GLIPR1L1: variants seen among roughly 807,000 people sequenced by gnomAD.
GLIPR1L1 encodes GLIPR1 like 1.
Under a neutral mutation model 29.9 loss-of-function variants are expected in GLIPR1L1, and 26 were observed. The ratio of observed to expected loss-of-function variants is 0.87; its 90% CI spans 0.64 to 1.21. The LOEUF (loss-of-function observed/expected upper bound fraction) is 1.21. Among genes scored for constraint, GLIPR1L1 ranks in the 50% most tolerant of loss-of-function variants. GLIPR1L1 has a pLI of 0.00. For missense variants in GLIPR1L1, 305 were observed against 290.3 expected (o/e 1.05, Z -0.37); for synonymous variants, 77 against 97.5 (o/e 0.79, Z 1.24).
intron 3 of GLIPR1L1, among the ~76,000 whole-genome samples, chr12:75,351,550 G>GT (rs1175807861): frequency 0.015 from 1,982 of 131,014 alleles, 32 homozygotes; most frequent in African/African-American, 0.041. Flanking sequence ...GTTTTGTTTT[G>GT]TTTTTTTTTT....
intron 1 of GLIPR1L1, among the ~76,000 whole-genome samples, chr12:75,338,384 G>T (rs1292674758): frequency 6.6e-6 from 1 of 152,082 alleles, no homozygotes; most frequent in Non-Finnish European, 1.5e-5. Flanking sequence ...GACTTGGATT[G>T]GGGGAATTTA....
intron 3 of GLIPR1L1, among the ~76,000 whole-genome samples, chr12:75,348,721 C>T (rs919722109): frequency 1.3e-5 from 2 of 152,012 alleles, no homozygotes; most frequent in African/African-American, 2.4e-5. Flanking sequence ...TGAAAGCATA[C>T]GAGAATAGTG....
chr12:75,362,777 CTTAT>C (rs2043692265), intron 3 of GLIPR1L1, among the ~76,000 whole-genome samples: 1 of 152,082 alleles, frequency 6.6e-6, no homozygotes, highest in African/African-American at 2.4e-5. Context: ...TTAAATATTA[CTTAT>C]TTCATGTACA....
intron 3 of GLIPR1L1, among the ~76,000 whole-genome samples, chr12:75,355,925 C>A (rs1306529177): frequency 6.6e-6 from 1 of 152,050 alleles, no homozygotes; most frequent in Non-Finnish European, 1.5e-5. Context: ...GGGAGCTGAA[C>A]AATGGGAACG....
rs769551444 is a variant in GLIPR1L1 at position 75,343,725 on chromosome 12, A to G, written c.207A>G (p.Lys69=). Residue 69 remains lysine (K), a synonymous_variant, in exon 2 of 6, where the codon AAA becomes AAG. Transcript: ENST00000378695. ...ATAAAGGTTTAGCAAAGATGGCTAA[A>G]GCATGGGCAAACCAGTGCAAATTTG... ...IWDKGLAKMA[K]AWANQCKFEH... 43 of 1,612,026 alleles carry G rather than the reference A, an allele frequency of 2.7e-5. No homozygotes were observed. The Admixed American group carries it at 5.3e-4, about 20-fold the overall frequency.
intron 3 of GLIPR1L1, among the ~76,000 whole-genome samples, chr12:75,354,790 CA>C (rs568865773): frequency 1.5e-3 from 223 of 152,198 alleles, no homozygotes; most frequent in African/African-American, 5.0e-3. Flanking sequence ...ACACACAGAC[CA>C]ATGGAACAGA....
chr12:75,337,693 T>A (rs189559043), intron 1 of GLIPR1L1, among the ~76,000 whole-genome samples: 179 of 152,176 alleles, frequency 1.2e-3, no homozygotes, highest in Non-Finnish European at 2.2e-3. Context: ...ATGCGTGCCA[T>A]GTTATTTATC....
Position 75,366,644 on chromosome 12 carries a change from CT to C in GLIPR1L1, c.611-3304del, listed in dbSNP as rs35880250. Among the ~76,000 whole-genome samples the C allele has an allele frequency of 2.7e-3, 396 of 147,462 alleles. 2 individuals are homozygous for C. The highest frequency in any genetic ancestry group is 0.017 in the South Asian group (80 of 4,638). On this transcript the variant is annotated intron_variant, in intron 4 of 5. Transcript: ENST00000378695. ...TTCCTCTTCTTCAGATTGTTGCCTA[CT>C]TTTTTTTTTTTCTTAAAAGGAGGAA... is the stretch of plus-strand genomic sequence containing the variant.
intron 1 of GLIPR1L1, among the ~76,000 whole-genome samples, chr12:75,341,324 G>T (rs2042089070): frequency 6.6e-6 from 1 of 152,166 alleles, no homozygotes; most frequent in Non-Finnish European, 1.5e-5. Context: ...GTCACTAAAT[G>T]GAACAAACTA....
intron 2 of GLIPR1L1, 121 bp from the exon 3 acceptor site, chr12:75,347,497 GTAAC>G (rs2042531187): frequency 4.5e-6 from 2 of 440,468 alleles, no homozygotes; most frequent in African/African-American, 4.2e-5. Flanking sequence ...GAAAAAATAT[GTAAC>G]TAATAAATAT....
At chr12:75,358,458 A>G (rs76050931) in intron 3 of GLIPR1L1, among the ~76,000 whole-genome samples, 5,712 of 151,478 alleles carry the variant, frequency 0.038, 126 homozygotes, top group East Asian at 0.052. Flanking sequence ...TGAAAATAAG[A>G]ATTATATGAT....
intron 2 of GLIPR1L1, 44 bp from the exon 3 acceptor site, chr12:75,347,578 G>T: frequency 8.0e-7 from 1 of 1,248,718 alleles, no homozygotes; most frequent in South Asian, 1.2e-5. Flanking sequence ...TGTTTGCATA[G>T]AATTGTTTTC....
intron 3 of GLIPR1L1, among the ~76,000 whole-genome samples, chr12:75,349,436 A>G (rs1339616728): frequency 1.3e-5 from 2 of 152,224 alleles, no homozygotes; most frequent in African/African-American, 4.8e-5. Context: ...TAACACTTAC[A>G]ATGTCTGGCA....
intron 3 of GLIPR1L1, chr12:75,360,886 TGGA>T (rs1245103411): frequency 6.6e-6 from 1 of 152,146 alleles, no homozygotes; most frequent in Non-Finnish European, 1.5e-5. Context: ...GAAATCTAGG[TGGA>T]GGTTTCCAAT....
chr12:75,337,327 T>A (rs1259406581), intron 1 of GLIPR1L1, among the ~76,000 whole-genome samples: 1 of 151,540 alleles, frequency 6.6e-6, no homozygotes, highest in East Asian at 1.9e-4. Flanking sequence ...AAACTATATA[T>A]TAATAAAATT....
intron 2 of GLIPR1L1, among the ~76,000 whole-genome samples, chr12:75,345,264 T>C (rs542128452): frequency 6.6e-6 from 1 of 152,210 alleles, no homozygotes; most frequent in African/African-American, 2.4e-5. Flanking sequence ...ACAGTTTCTA[T>C]CTTTTTTTTT....
rs1204792609 is a variant in GLIPR1L1, at chr12:75,334,760, G to C, written c.32G>C (p.Trp11Ser). 1 of 1,614,038 alleles carries C rather than the reference G, an allele frequency of 6.2e-7. No individual in the cohort carries two copies. Among genetic ancestry groups the C allele is most frequent in the East Asian group, 2.2e-5 (1 of 44,864 alleles). The change falls in exon 1 of 6, where the codon TGG becomes TCG. Residue 11 changes from tryptophan (W) to serine (S), a missense_variant. Coordinates refer to ENST00000378695, the MANE Select transcript of GLIPR1L1 (RefSeq NM_001304964.2). MALKNKFSCL[W>S]ILGLCLVATT... ...CTGAAGAATAAATTCAGTTGTTTAT[G>C]GATCTTGGGTCTGTGTTTGGTAGCC...
chr12:75,349,983 A>C (rs1408753216), intron 3 of GLIPR1L1, among the ~76,000 whole-genome samples: 3 of 152,236 alleles, frequency 2.0e-5, no homozygotes, highest in Non-Finnish European at 2.9e-5. Flanking sequence ...CTGCCTAAGA[A>C]GACCGGGTCC....
chr12:75,341,517 G>A (rs539146026), intron 1 of GLIPR1L1, among the ~76,000 whole-genome samples: 2 of 152,188 alleles, frequency 1.3e-5, no homozygotes, highest in East Asian at 3.9e-4. Context: ...CGCTGTCTCG[G>A]CTCACTGCAA....
Sources: allele counts gnomAD v4.1 joint callset (sites outside exome capture counted in the v4.1 genomes callset), GRCh38; gene constraint gnomAD v4.1.1; transcripts MANE v1.5; gene names NCBI Gene and HGNC (gene_info 2026-07-23, HGNC 2026-07-21).